Variants in CNGB1 observed in about 807,000 individuals in gnomAD.
CNGB1 encodes the protein cyclic nucleotide gated channel subunit beta 1, also known as cyclic nucleotide-gated channel beta-1.
CNGB1 carries 126 observed loss-of-function variants against 151.7 expected under a neutral mutation model. The observed-to-expected ratio is 0.83, with a 90% CI of 0.72 to 0.96. CNGB1 has a LOEUF of 0.96. Among genes scored for constraint, CNGB1 ranks in the 40% least tolerant of loss-of-function variants. The pLI is 0.00. For missense variants in CNGB1, 1,698 were observed against 1,627.0 expected (o/e 1.04, Z -0.75); for synonymous variants, 623 against 635.1 (o/e 0.98, Z 0.29).
intron 27 of CNGB1, among the ~76,000 whole-genome samples, chr16:57,902,301 C>T (rs1960413421): frequency 6.6e-6 from 1 of 151,902 alleles, no homozygotes; most frequent in African/African-American, 2.4e-5. Flanking sequence ...AAACTCCTGA[C>T]CTCATTTGAT....
chr16:57,897,817 C>G lies in CNGB1; in HGVS notation c.3074G>C (p.Gly1025Ala). The G allele has an allele frequency of 6.2e-7, 1 of 1,614,206 alleles. No individual in the cohort carries two copies. Among genetic ancestry groups the G allele is most frequent in the African/African-American group, 1.3e-5 (1 of 75,054 alleles). ...TGACCTTATTTCTCCAAACACAGATCCAGCTTTCAGCGTCACCAGCACAGA... is the reference window on the plus strand; with the variant it reads ...TGACCTTATTTCTCCAAACACAGATGCAGCTTTCAGCGTCACCAGCACAGA... ...GKSVLVTLKAGSVFGEISLLA... is the reference protein window; with the variant it reads ...GKSVLVTLKAASVFGEISLLA... Residue 1025 changes from glycine (G) to alanine (A), a missense_variant, in exon 30 of 33, where the codon GGA becomes GCA. Coordinates refer to ENST00000251102, the MANE Select transcript of CNGB1 (RefSeq NM_001297.5).
chr16:57,899,508 CAT>C (rs1447577450), intron 29 of CNGB1, among the ~76,000 whole-genome samples: 2 of 152,152 alleles, frequency 1.3e-5, no homozygotes, highest in African/African-American at 2.4e-5. Context: ...GGCATGGTGG[CAT>C]ATGCCTGTAA....
At chr16:57,910,429 T>C (rs1596969290) in intron 25 of CNGB1, among the ~76,000 whole-genome samples, 3 of 152,244 alleles carry the variant, frequency 2.0e-5, no homozygotes, top group South Asian at 2.1e-4. Flanking sequence ...GGCTGGAGTG[T>C]AATGGTGCAA....
chr16:57,947,612 T>C (rs538256125), intron 14 of CNGB1, among the ~76,000 whole-genome samples: 4 of 152,280 alleles, frequency 2.6e-5, no homozygotes, highest in African/African-American at 7.2e-5. Context: ...TCCCCGTCAT[T>C]GGAGGTAAGC....
At chr16:57,918,214 G>T (rs563979107) in intron 20 of CNGB1, among the ~76,000 whole-genome samples, 5 of 151,914 alleles carry the variant, frequency 3.3e-5, no homozygotes, top group Non-Finnish European at 5.9e-5. Context: ...GGCTCAAGCA[G>T]TTCTTTCACT....
chr16:57,959,507 C>A (rs1181760287), intron 10 of CNGB1, among the ~76,000 whole-genome samples: 2 of 152,166 alleles, frequency 1.3e-5, no homozygotes, highest in African/African-American at 4.8e-5. Flanking sequence ...GAGGCTGAGG[C>A]AGGAGAATCA....
chr16:57,903,867 C>T lies in CNGB1; in HGVS notation c.2749G>A (p.Val917Ile), dbSNP rs200022855. ...CAGGTGTACTCGTACCAGGTCTTGA[C>T]GCGGTTCTGCACGGACTTGGGGATC... Reference protein sequence around the residue: ...YKIPKSVQNRVKTWYEYTWHS... With the variant: ...YKIPKSVQNRIKTWYEYTWHS... Residue 917 changes from valine to isoleucine, a missense_variant, in exon 27 of 33, where the codon GTC (valine) becomes ATC (isoleucine). Val to Ile is a conservative substitution (Grantham distance 29, BLOSUM62 3). Coordinates refer to ENST00000251102, the MANE Select transcript of CNGB1 (RefSeq NM_001297.5). 7.6e-5 allele frequency: 123 copies of T among 1,614,178 alleles called. 2 individuals carry two copies. The Admixed American group carries it at 7.8e-4, about 10-fold the overall frequency.
chr16:57,939,644 A>G (rs781127464), intron 15 of CNGB1, 52 bp from the exon 16 acceptor site: 1 of 1,610,962 alleles, frequency 6.2e-7, no homozygotes, highest in Non-Finnish European at 8.5e-7. Flanking sequence ...CCCCAGCCCT[A>G]GTCTCAGCAG....
In CNGB1 at chr16:57,948,455, G is replaced by A. The variant is rs543915443; in HGVS notation, c.1121+898C>T. ...CAGGCGTGAGCCACCACGCCTGGTC[G>A]ACCTTCCTGAAACACTAACTTGGCT... On this transcript the variant is annotated intron_variant, in intron 14 of 32. Coordinates refer to ENST00000251102, the MANE Select transcript of CNGB1 (RefSeq NM_001297.5). Among the ~76,000 whole-genome samples the A allele has an allele frequency of 2.6e-5, 4 of 151,782 alleles. No homozygotes were observed. In the East Asian group the frequency reaches 5.8e-4, roughly 22 times the overall value.
rs1365926616 is a variant in CNGB1, at chr16:57,897,489, CCCGTGCGCCACCACGTTGG to C, written c.3131_3149del (p.Ala1044GlyfsTer13). On this transcript the variant is annotated frameshift_variant, in exon 31 of 33. Transcript: ENST00000251102. LOFTEE classifies it high-confidence loss of function. ...TATCCAGGATGAAGAGGTTGGTAAA[CCCGTGCGCCACCACGTTGG>C]CCGTGCGCCGGTTCCCGCCCCCAAC... The C allele has an allele frequency of 1.8e-5, 29 of 1,614,022 alleles. No individual in the cohort carries two copies. Among genetic ancestry groups the C allele is most frequent in the Non-Finnish European group, 2.3e-5 (27 of 1,180,042 alleles).
chr16:57,926,272 A>G (rs1961185750), intron 17 of CNGB1, among the ~76,000 whole-genome samples: 1 of 152,174 alleles, frequency 6.6e-6, no homozygotes, highest in Non-Finnish European at 1.5e-5. Context: ...TTCCTACTCC[A>G]GCCCCTGAGG....
At chr16:57,967,359 C>T in intron 1 of CNGB1, 65 bp from the exon 2 acceptor site, 1 of 1,497,008 alleles carries the variant, frequency 6.7e-7, no homozygotes, top group Non-Finnish European at 9.3e-7. Flanking sequence ...ACTTATGGGC[C>T]ACTCTTATGA....
chr16:57,942,033 G>A (rs1366306973), intron 14 of CNGB1, among the ~76,000 whole-genome samples: 3 of 151,762 alleles, frequency 2.0e-5, no homozygotes, highest in East Asian at 3.9e-4. Context: ...GTTTTTGTTT[G>A]GTTTGGTTTG....
intron 29 of CNGB1, among the ~76,000 whole-genome samples, chr16:57,901,138 A>G (rs1251846127): frequency 6.6e-6 from 1 of 152,144 alleles, no homozygotes; most frequent in Non-Finnish European, 1.5e-5. Context: ...CCCGAGGCAC[A>G]TGTGTGTTGA....
chr16:57,897,834 C>T lies in CNGB1; in HGVS notation c.3057G>A (p.Leu1019=), dbSNP rs771798164. 1.7e-5 allele frequency: 28 copies of T among 1,614,226 alleles called. 1 individual carries two copies. Among genetic ancestry groups the T allele is most frequent in the South Asian group, 3.3e-5 (3 of 91,082 alleles). ...VLGGPDGKSV[L]VTLKAGSVFG... is the part of the protein sequence containing the mutation. ...ACACAGATCCAGCTTTCAGCGTCAC[C>T]AGCACAGATTTCCCATCAGGGCCGC... The change falls in exon 30 of 33, where the codon CTG becomes CTA. Residue 1019 remains leucine, a synonymous_variant. Coordinates refer to ENST00000251102, the MANE Select transcript of CNGB1 (RefSeq NM_001297.5).
At chr16:57,891,906 A>T (rs1042076753) in intron 31 of CNGB1, among the ~76,000 whole-genome samples, 4 of 152,184 alleles carry the variant, frequency 2.6e-5, no homozygotes, top group African/African-American at 9.7e-5. Context: ...TTGAACGCAC[A>T]GCCAACAGCA....
intron 14 of CNGB1, among the ~76,000 whole-genome samples, chr16:57,942,782 G>A (rs2149377897): frequency 6.6e-6 from 1 of 151,876 alleles, no homozygotes; most frequent in Non-Finnish European, 1.5e-5. Context: ...AGGATTGCTT[G>A]AGCCTGGGAG....
At chr16:57,894,223 C>T (rs1960165494) in intron 31 of CNGB1, among the ~76,000 whole-genome samples, 1 of 152,174 alleles carries the variant, frequency 6.6e-6, no homozygotes, top group Non-Finnish European at 1.5e-5. Flanking sequence ...ACAATGATTT[C>T]CGGGTTTTGT....
chr16:57,961,353 C>T (rs558870690), intron 7 of CNGB1, among the ~76,000 whole-genome samples: 110 of 152,306 alleles, frequency 7.2e-4, no homozygotes, highest in African/African-American at 2.5e-3. Flanking sequence ...TTTTAAGGGG[C>T]CTGCATTTGC....
Sources: gnomAD v4.1 joint callset for allele counts (sites outside exome capture counted in the v4.1 genomes callset) on GRCh38, gnomAD v4.1.1 for gene constraint, MANE v1.5 for transcripts, NCBI Gene and HGNC (gene_info 2026-07-23, HGNC 2026-07-21) for gene names.